Variants in ANKRD11 observed in about 807,000 individuals in gnomAD.
ANKRD11 encodes ankyrin repeat domain-containing protein 11.
In ANKRD11, 17 loss-of-function variants were observed where a neutral mutation model predicts 195.7. The observed-to-expected ratio is 0.09, with a 90% CI of 0.06 to 0.13. The LOEUF is 0.13. ANKRD11 is among the 10% of genes least tolerant of loss of function. The pLI, the probability that ANKRD11 is intolerant of heterozygous loss-of-function variation, is 1.00. For missense variants in ANKRD11, 3,735 were observed against 3,566.1 expected (o/e 1.05, Z -1.21); for synonymous variants, 1,953 against 1,528.1 (o/e 1.28, Z -6.49).
chr16:89,380,756 C>G (rs1384354557), intron 2 of ANKRD11, among the ~76,000 whole-genome samples: 1 of 152,342 alleles, frequency 6.6e-6, no homozygotes, highest in East Asian at 1.9e-4. Flanking sequence ...AGCTGGAGGC[C>G]TCGTGGGGCA....
At chr16:89,337,007 CAAAAAAAAAAAAAAAA>C (rs60248736) in intron 2 of ANKRD11, among the ~76,000 whole-genome samples, 1 of 47,730 alleles carries the variant, frequency 2.1e-5, no homozygotes. Flanking sequence ...CTGGCTCTAC[CAAAAAAAAAAAAAAAA>C]AAAAAAAAAA....
At chr16:89,461,364 T>C (rs890460192) in intron 1 of ANKRD11, among the ~76,000 whole-genome samples, 5 of 151,850 alleles carry the variant, frequency 3.3e-5, no homozygotes, top group Non-Finnish European at 5.9e-5. Context: ...GGTGATGGCT[T>C]TGCACCGTGT....
intron 2 of ANKRD11, among the ~76,000 whole-genome samples, chr16:89,347,399 G>A (rs1427016726): frequency 6.6e-6 from 1 of 152,120 alleles, no homozygotes; most frequent in African/African-American, 2.4e-5. Flanking sequence ...CACGAGGTCA[G>A]GAGATCAAGA....
chr16:89,465,272 A>G (rs1280836257), intron 1 of ANKRD11, among the ~76,000 whole-genome samples: 1 of 152,218 alleles, frequency 6.6e-6, no homozygotes, highest in African/African-American at 2.4e-5. Flanking sequence ...TAACCAATAT[A>G]AAAAAGTCAC....
chr16:89,393,134 G>A (rs1208490645), intron 2 of ANKRD11, among the ~76,000 whole-genome samples: 1 of 152,028 alleles, frequency 6.6e-6, no homozygotes, highest in African/African-American at 2.4e-5. Context: ...TCTCACAGGA[G>A]CCTCTGGAAG....
chr16:89,387,307 C>T (rs2040957085), intron 2 of ANKRD11, among the ~76,000 whole-genome samples: 1 of 151,924 alleles, frequency 6.6e-6, no homozygotes, highest in African/African-American at 2.4e-5. Flanking sequence ...GGGGCTGCGT[C>T]TGTGGTGAGG....
chr16:89,296,518 T>A (rs374986489), intron 4 of ANKRD11, among the ~76,000 whole-genome samples: 3 of 152,250 alleles, frequency 2.0e-5, no homozygotes, highest in African/African-American at 7.2e-5. Flanking sequence ...GCTCACTGGG[T>A]TTTTTATTTC....
In ANKRD11 at chr16:89,484,637, T is replaced by TA. The variant is rs1423029470; in HGVS notation, c.-145+5607dup. Among the ~76,000 whole-genome samples the TA allele has an allele frequency of 3.3e-5, 5 of 152,340 alleles. No homozygotes were observed. The East Asian group carries it at 9.6e-4, about 29-fold the overall frequency. On this transcript the variant is annotated intron_variant, in intron 1 of 12. Transcript: ENST00000301030. ...AGAAAAGAGGTTTATTTGCTAATTT[T>TA]ACATAAAAAATAACCTCTGATATCA...
intron 3 of ANKRD11, 113 bp downstream of exon 3, chr16:89,316,820 A>G (rs1400192773): frequency 1.5e-6 from 2 of 1,294,754 alleles, no homozygotes; most frequent in African/African-American, 1.5e-5. Flanking sequence ...AGACAGAGGC[A>G]CGAGGAAAGG....
chr16:89,454,603 C>G (rs1300968480), intron 1 of ANKRD11, among the ~76,000 whole-genome samples: 1 of 151,788 alleles, frequency 6.6e-6, no homozygotes, highest in Non-Finnish European at 1.5e-5. Context: ...GTTCCTCAAG[C>G]TGCTCCCCTG....
chr16:89,284,668 T>G lies in ANKRD11; in HGVS notation c.1874A>C (p.Glu625Ala). ...AEGAVPKLDK[E>A]GKVVKKHKTK... is the part of the protein sequence containing the mutation. ...TTTATGTTTTTTGACAACTTTCCCC[T>G]CCTTGTCCAGTTTGGGGACAGCGCC... Residue 625 changes from glutamate (E) to alanine (A), a missense_variant, in exon 9 of 13, where the codon GAG becomes GCG. Transcript: ENST00000301030. 1 of 1,614,088 alleles carries G rather than the reference T, an allele frequency of 6.2e-7. No individual in the cohort carries two copies. The highest frequency in any genetic ancestry group is 8.5e-7 in the Non-Finnish European group (1 of 1,180,040).
In ANKRD11 at chr16:89,280,092, A is replaced by G. The variant is rs771811796; in HGVS notation, c.6450T>C (p.Asp2150=). Residue 2150 remains aspartate, a synonymous_variant, in exon 9 of 13, where the codon GAT becomes GAC. Coordinates refer to ENST00000301030, the MANE Select transcript of ANKRD11 (RefSeq NM_013275.6). ...TTTCTTCCACGGGTTCCGCTTCACC[A>G]TCTGCGGCATCTTTAGTCTGCAGGG... is the stretch of plus-strand genomic sequence containing the variant. ...ELPLQTKDAA[D]GEAEPVEESL... 1.9e-6 allele frequency: 3 copies of G among 1,612,954 alleles called. No homozygotes were observed. The highest frequency in any genetic ancestry group is 2.2e-5 in the East Asian group (1 of 44,842).
intron 1 of ANKRD11, among the ~76,000 whole-genome samples, chr16:89,481,485 A>C (rs1162720663): frequency 6.6e-6 from 1 of 152,186 alleles, no homozygotes; most frequent in Non-Finnish European, 1.5e-5. Flanking sequence ...TGAGCCCAGA[A>C]GCTCAAGGAT....
intron 1 of ANKRD11, among the ~76,000 whole-genome samples, chr16:89,420,975 C>T (rs972178684): frequency 2.0e-5 from 3 of 152,286 alleles, no homozygotes; most frequent in Non-Finnish European, 4.4e-5. Flanking sequence ...TTACTGTCAG[C>T]TCCTGCCTAC....
At chr16:89,458,278 G>A (rs563939358) in intron 1 of ANKRD11, among the ~76,000 whole-genome samples, 247 of 151,540 alleles carry the variant, frequency 1.6e-3, no homozygotes, top group African/African-American at 5.8e-3. Context: ...AGGTTGGAGT[G>A]CAGTGGCGCG....
chr16:89,381,938 G>T (rs1400639827), intron 2 of ANKRD11, among the ~76,000 whole-genome samples: 1 of 152,182 alleles, frequency 6.6e-6, no homozygotes, highest in African/African-American at 2.4e-5. Flanking sequence ...CTCTCCACGG[G>T]GCTCAGACTG....
intron 2 of ANKRD11, among the ~76,000 whole-genome samples, chr16:89,357,487 C>G (rs1277111139): frequency 6.6e-6 from 1 of 152,136 alleles, no homozygotes; most frequent in East Asian, 1.9e-4. Context: ...TACAAAAGGA[C>G]TAAGCATATG....
At chr16:89,326,014 T>C (rs1043395715) in intron 2 of ANKRD11, among the ~76,000 whole-genome samples, 2 of 152,160 alleles carry the variant, frequency 1.3e-5, no homozygotes, top group Non-Finnish European at 2.9e-5. Flanking sequence ...ACAGGGAGCT[T>C]GGAGCCTGAC....
At chr16:89,327,729 C>T (rs185061142) in intron 2 of ANKRD11, among the ~76,000 whole-genome samples, 15 of 152,130 alleles carry the variant, frequency 9.9e-5, no homozygotes, top group Admixed American at 9.8e-4. Flanking sequence ...TTTATAGGTG[C>T]TCCAAATAAA....
Sources: allele counts gnomAD v4.1 joint callset (sites outside exome capture counted in the v4.1 genomes callset), GRCh38; gene constraint gnomAD v4.1.1; transcripts MANE v1.5; gene names NCBI Gene and HGNC (gene_info 2026-07-23, HGNC 2026-07-21).